The following ST8SIA1 variants were observed in gnomAD, a reference collection of about 807,000 sequenced individuals.
ST8SIA1 encodes ST8 alpha-N-acetyl-neuraminide alpha-2,8-sialyltransferase 1, also known as alpha-N-acetylneuraminide alpha-2,8-sialyltransferase.
Under a neutral mutation model 35.9 loss-of-function variants are expected in ST8SIA1, and 16 were observed. That is an observed-to-expected ratio of 0.45 (90% confidence interval 0.30 to 0.68). The LOEUF is 0.68. ST8SIA1 is among the 30% of genes least tolerant of loss of function. The pLI is 0.09. For missense variants in ST8SIA1, 383 were observed against 453.6 expected, an observed-to-expected ratio of 0.84 and a Z score of 1.41; for synonymous variants, 170 against 169.6, an observed-to-expected ratio of 1.00 and a Z score of -0.02.
chr12:22,281,828 A>AG (rs1250083101), intron 2 of ST8SIA1, among the ~76,000 whole-genome samples: 1 of 151,108 alleles, frequency 6.6e-6, no homozygotes, highest in Admixed American at 6.6e-5. Context: ...ACAAAAAAAA[A>AG]AAAAAAAATA....
At chr12:22,298,689 TG>T (rs1866278353) in intron 1 of ST8SIA1, among the ~76,000 whole-genome samples, 1 of 152,216 alleles carries the variant, frequency 6.6e-6, no homozygotes, top group African/African-American at 2.4e-5. Flanking sequence ...CTACTTCCAG[TG>T]GGTCAACTCA....
intron 2 of ST8SIA1, among the ~76,000 whole-genome samples, chr12:22,275,535 C>T (rs1333218958): frequency 6.6e-6 from 1 of 151,890 alleles, no homozygotes; most frequent in African/African-American, 2.4e-5. Flanking sequence ...GCCTGGATGA[C>T]AGAGTGAGAC....
chr12:22,287,401 C>T, intron 1 of ST8SIA1, 108 bp from the exon 2 acceptor site: 1 of 1,119,116 alleles, frequency 8.9e-7, no homozygotes, highest in Non-Finnish European at 1.3e-6. Flanking sequence ...AGTGCCAGCT[C>T]ACAGAAGCAT....
Position 22,193,494 on chromosome 12 carries a change from T to TA in ST8SIA1, c.*8057dup, listed in dbSNP as rs551432236. ...GAACCTTCTCACTGCCAGCCATAAT[T>TA]ACAATGAATACACCAAAGAAAAAGA... is the stretch of plus-strand genomic sequence containing the variant. On this transcript the variant is annotated 3_prime_UTR_variant, in exon 5 of 5. Transcript: ENST00000396037. 7 of 152,166 alleles carry TA rather than the reference T, an allele frequency of 4.6e-5. No homozygotes were observed. Among genetic ancestry groups the TA allele is most frequent in the Non-Finnish European group, 1.0e-4 (7 of 68,018 alleles). The allele number at this position is 152,166 out of a possible 1,614,324, so 9.4% of individuals were successfully genotyped here. A position where few individuals can be genotyped will look rare whatever the true frequency, so the allele number is the denominator to read the frequency against.
At chr12:22,208,594 C>A (rs189949465) in intron 4 of ST8SIA1, among the ~76,000 whole-genome samples, 75 of 152,152 alleles carry the variant, frequency 4.9e-4, no homozygotes, top group Non-Finnish European at 8.8e-4. Flanking sequence ...CAACAAAAAT[C>A]CCAACATTAT....
intron 4 of ST8SIA1, among the ~76,000 whole-genome samples, chr12:22,217,340 C>T (rs2300715): frequency 0.76 from 115,009 of 152,028 alleles, 43,662 homozygotes; most frequent in South Asian, 0.91. Flanking sequence ...GTGAAGTATA[C>T]TCTAATCTAT....
intron 1 of ST8SIA1, among the ~76,000 whole-genome samples, chr12:22,314,019 C>T (rs1482995025): frequency 1.3e-5 from 2 of 152,178 alleles, no homozygotes; most frequent in Admixed American, 6.5e-5. Flanking sequence ...TTTTGTGGTC[C>T]TTAAAACCGT....
intron 3 of ST8SIA1, among the ~76,000 whole-genome samples, chr12:22,250,493 C>T (rs1037698531): frequency 1.3e-5 from 2 of 151,956 alleles, no homozygotes; most frequent in Non-Finnish European, 2.9e-5. Flanking sequence ...ATTACTGAGT[C>T]CTCATTTCTC....
At chr12:22,206,560 C>T (rs1865113054) in intron 4 of ST8SIA1, among the ~76,000 whole-genome samples, 1 of 152,180 alleles carries the variant, frequency 6.6e-6, no homozygotes. Flanking sequence ...ATTCTCGACT[C>T]ATACAATATC....
Position 22,194,326 on chromosome 12 carries a change from T to C in ST8SIA1, c.*7226A>G, listed in dbSNP as rs571419468. On this transcript the variant is annotated 3_prime_UTR_variant, in exon 5 of 5. Transcript: ENST00000396037. ...AGTTATCACCTATGGAGCTTCCTACTAGAAGGTTCTATGACTTCAATGAAG... is the reference window on the plus strand; with the variant it reads ...AGTTATCACCTATGGAGCTTCCTACCAGAAGGTTCTATGACTTCAATGAAG... The C allele has an allele frequency of 1.4e-4, 22 of 152,342 alleles. No individual in the cohort carries two copies. The highest frequency in any genetic ancestry group is 4.8e-4 in the African/African-American group (20 of 41,584). 9.4% of individuals were successfully genotyped at this position (152,342 alleles called of 1,614,324 possible). A position where few individuals can be genotyped will look rare whatever the true frequency, so the allele number is the denominator to read the frequency against.
chr12:22,287,434 T>A, intron 1 of ST8SIA1, 141 bp from the exon 2 acceptor site: 1 of 671,836 alleles, frequency 1.5e-6, no homozygotes, highest in Non-Finnish European at 2.3e-6. Context: ...GTGATTAGAC[T>A]ACTATTAATT....
intron 4 of ST8SIA1, among the ~76,000 whole-genome samples, chr12:22,238,999 A>G (rs1475519697): frequency 6.6e-6 from 1 of 152,172 alleles, no homozygotes; most frequent in Non-Finnish European, 1.5e-5. Flanking sequence ...ATACATTTCT[A>G]TGTTGATAGT....
intron 2 of ST8SIA1, among the ~76,000 whole-genome samples, chr12:22,261,085 C>T (rs564413152): frequency 1.3e-5 from 2 of 151,528 alleles, no homozygotes; most frequent in Admixed American, 6.6e-5. Context: ...CACCATGTTA[C>T]CCAAGCTAAT....
At chr12:22,277,005 T>G (rs1257738259) in intron 2 of ST8SIA1, among the ~76,000 whole-genome samples, 1 of 152,188 alleles carries the variant, frequency 6.6e-6, no homozygotes, top group East Asian at 1.9e-4. Context: ...TTCTGCCCTA[T>G]CTTAGTAAGT....
At chr12:22,316,116 T>C (rs1180100615) in intron 1 of ST8SIA1, among the ~76,000 whole-genome samples, 1 of 152,076 alleles carries the variant, frequency 6.6e-6, no homozygotes, top group Non-Finnish European at 1.5e-5. Flanking sequence ...AATAATAACA[T>C]ATAAATGAGT....
rs887287275 is a variant in ST8SIA1 at position 22,201,751 on chromosome 12, G to A, written c.872C>T (p.Ala291Val). ...AGAGAAGGGCCAGAAGCCATAGATG[G>A]CCACCTCTTCACAGAGACCCAGAGC... ...SAALGLCEEV[A>V]IYGFWPFSVN... The change falls in exon 5 of 5, where the codon GCC (alanine) becomes GTC (valine). Residue 291 changes from alanine (A) to valine (V), a missense_variant. Ala to Val is a moderately conservative substitution (Grantham distance 64, BLOSUM62 0). Coordinates refer to ENST00000396037, the MANE Select transcript of ST8SIA1 (RefSeq NM_003034.4). 8.1e-6 allele frequency: 13 copies of A among 1,613,996 alleles called. No homozygotes were observed. The highest frequency in any genetic ancestry group is 4.0e-5 in the African/African-American group (3 of 74,932).
At chr12:22,264,662 T>C (rs1865827349) in intron 2 of ST8SIA1, among the ~76,000 whole-genome samples, 1 of 151,408 alleles carries the variant, frequency 6.6e-6, no homozygotes, top group African/African-American at 2.5e-5. Flanking sequence ...AGGTACTTAA[T>C]TATTAAACCC....
intron 2 of ST8SIA1, among the ~76,000 whole-genome samples, chr12:22,262,480 G>C (rs1343636607): frequency 6.6e-6 from 1 of 152,200 alleles, no homozygotes; most frequent in East Asian, 1.9e-4. Flanking sequence ...TCCACCACTG[G>C]CACAAGGAGA....
intron 2 of ST8SIA1, among the ~76,000 whole-genome samples, chr12:22,259,397 G>T (rs1865761604): frequency 6.6e-6 from 1 of 151,726 alleles, no homozygotes; most frequent in African/African-American, 2.4e-5. Context: ...CTTATAATAC[G>T]TCAATGAACA....
Sources: allele counts gnomAD v4.1 joint callset (sites outside exome capture counted in the v4.1 genomes callset), GRCh38; gene constraint gnomAD v4.1.1; transcripts MANE v1.5; gene names NCBI Gene and HGNC (gene_info 2026-07-23, HGNC 2026-07-21).